Variants in KCNJ12 observed in about 807,000 individuals in gnomAD.
KCNJ12 encodes the protein ATP-sensitive inward rectifier potassium channel 12.
A neutral mutation model predicts 22.3 loss-of-function variants in KCNJ12; 2 were observed. That is an observed-to-expected ratio of 0.09 (90% CI 0.04 to 0.28). KCNJ12 has a LOEUF of 0.28. KCNJ12 is among the 10% of genes least tolerant of loss of function. KCNJ12 has a pLI of 1.00. For missense variants in KCNJ12, 155 were observed against 633.3 expected, an observed-to-expected ratio of 0.24 and a Z score of 8.11; for synonymous variants, 117 against 261.4, an observed-to-expected ratio of 0.45 and a Z score of 5.33.
At chr17:21,387,632 A>G (rs1567697556) in intron 1 of KCNJ12, among the ~76,000 whole-genome samples, 26 of 151,846 alleles carry the variant, frequency 1.7e-4, no homozygotes. Flanking sequence ...CCCCTGTCGG[A>G]GGGTGTGGGA....
At chr17:21,389,543 GACTT>G (rs1442161185) in intron 1 of KCNJ12, among the ~76,000 whole-genome samples, 1 of 152,178 alleles carries the variant, frequency 6.6e-6, no homozygotes, top group Middle Eastern at 3.2e-3. Flanking sequence ...GTAAGTCAAT[GACTT>G]ACTTACCCAC....
In KCNJ12 at chr17:21,416,692, C is replaced by T. The variant is rs781954971; in HGVS notation, c.*48C>T. The T allele has an allele frequency of 4.0e-6, 6 of 1,517,634 alleles. No individual in the cohort carries two copies. Among genetic ancestry groups the T allele is most frequent in the African/African-American group, 2.8e-5 (2 of 72,104 alleles). The allele number at this position is 1,517,634 out of a possible 1,614,324, so 94.0% of individuals were successfully genotyped here. ...CATCCACCCCCGGCTGGGGAGAGGC[C>T]CCGCGGTCGCTCAGGGGCCCCGGGT... On this transcript the variant is annotated 3_prime_UTR_variant, in exon 3 of 3. Transcript: ENST00000583088.
At chr17:21,383,206 G>T (rs568973212) in intron 1 of KCNJ12, among the ~76,000 whole-genome samples, 3 of 152,206 alleles carry the variant, frequency 2.0e-5, no homozygotes, top group Non-Finnish European at 4.4e-5. Flanking sequence ...TGCCCGCCCC[G>T]CTTGCTCCAG....
chr17:21,382,737 G>C, intron 1 of KCNJ12, among the ~76,000 whole-genome samples: 1 of 152,164 alleles, frequency 6.6e-6, no homozygotes, highest in East Asian at 1.9e-4. Flanking sequence ...CTGGGCCTCA[G>C]CCAGGTGTGC....
At chr17:21,379,822 GT>G (rs1320113011) in intron 1 of KCNJ12, among the ~76,000 whole-genome samples, 3 of 152,058 alleles carry the variant, frequency 2.0e-5, no homozygotes, top group African/African-American at 4.8e-5. Context: ...AGGCAGGTGG[GT>G]TTTCTGAGGT....
At chr17:21,383,431 G>A (rs576717719) in intron 1 of KCNJ12, among the ~76,000 whole-genome samples, 119 of 152,322 alleles carry the variant, frequency 7.8e-4, no homozygotes, top group Middle Eastern at 3.4e-3. Flanking sequence ...GGAGCTTGGC[G>A]TGGCCGGAGG....
intron 1 of KCNJ12, among the ~76,000 whole-genome samples, chr17:21,383,049 A>T (rs1904932789): frequency 6.6e-6 from 1 of 152,128 alleles, no homozygotes; most frequent in Non-Finnish European, 1.5e-5. Flanking sequence ...GCTTCCAGGC[A>T]GCTTTTGGGG....
At chr17:21,380,794 AGATGGCAGTGGGC>A (rs1904839043) in intron 1 of KCNJ12, among the ~76,000 whole-genome samples, 2 of 16,222 alleles carry the variant, frequency 1.2e-4, no homozygotes, top group Non-Finnish European at 2.2e-4. Flanking sequence ...AGTGGGCCCC[AGATGGCAGTGGGC>A]CCCAGATGGC....
At chr17:21,381,873 A>G (rs1212496409) in intron 1 of KCNJ12, among the ~76,000 whole-genome samples, 1 of 152,228 alleles carries the variant, frequency 6.6e-6, no homozygotes, top group Non-Finnish European at 1.5e-5. Context: ...AGGAGATGGC[A>G]GGCGCCCAGT....
chr17:21,407,341 C>G (rs1373960881), intron 1 of KCNJ12, among the ~76,000 whole-genome samples: 1 of 152,302 alleles, frequency 6.6e-6, no homozygotes, highest in Non-Finnish European at 1.5e-5. Context: ...TTCACTCCAC[C>G]CATCCATCAC....
intron 1 of KCNJ12, among the ~76,000 whole-genome samples, chr17:21,388,112 T>G (rs1905123244): frequency 6.6e-6 from 1 of 152,154 alleles, no homozygotes; most frequent in Non-Finnish European, 1.5e-5. Context: ...CTTGTTGTAG[T>G]TCCATTTCTG....
At position 21,389,675 on chromosome 17, in the gene KCNJ12, C is replaced by T. The variant is rs557114952; in HGVS notation, c.-179+12762C>T. On this transcript the variant is annotated intron_variant, in intron 1 of 2. Coordinates refer to ENST00000583088, the MANE Select transcript of KCNJ12 (RefSeq NM_021012.5). ...GGGTGGGGGTGTGGTGGGGCAGGGACGGTTTCCTGGGGAAGAGGCCCTGGA... is the reference window on the plus strand; with the variant it reads ...GGGTGGGGGTGTGGTGGGGCAGGGATGGTTTCCTGGGGAAGAGGCCCTGGA... 9.9e-4 allele frequency among the ~76,000 whole-genome samples: 150 copies of T among 151,956 alleles called. 1 individual carries two copies. Among genetic ancestry groups the T allele is most frequent in the Admixed American group, 6.3e-3 (97 of 15,292 alleles).
chr17:21,398,085 G>A (rs1905434528), intron 1 of KCNJ12, among the ~76,000 whole-genome samples: 2 of 142,806 alleles, frequency 1.4e-5, no homozygotes, highest in South Asian at 2.1e-4. Context: ...CCCTGGACGT[G>A]TGTGTATGTG....
At chr17:21,394,543 A>G (rs73310104) in intron 1 of KCNJ12, among the ~76,000 whole-genome samples, 2,612 of 152,346 alleles carry the variant, frequency 0.017, 28 homozygotes, top group Middle Eastern at 0.075. Flanking sequence ...TAAGTGCTCA[A>G]TAAACCTAAG....
chr17:21,380,080 G>T (rs1904814699), intron 1 of KCNJ12, among the ~76,000 whole-genome samples: 1 of 152,132 alleles, frequency 6.6e-6, no homozygotes, highest in African/African-American at 2.4e-5. Context: ...ACCCCTCAGG[G>T]GCATTTGACT....
rs1275692694 is a variant in KCNJ12 at position 21,416,909 on chromosome 17, G to A, written c.*265G>A. ...GGGGGGCCAGGCCACGAGGGCCAGG[G>A]CTTCTGCCTGAAGATGGAGCTGCAG... On this transcript the variant is annotated 3_prime_UTR_variant, in exon 3 of 3. Transcript: ENST00000583088. The A allele has an allele frequency of 7.4e-6, 4 of 542,308 alleles. No individual in the cohort carries two copies. The highest frequency in any genetic ancestry group is 3.0e-5 in the East Asian group (1 of 32,986). The allele number at this position is 542,308 out of a possible 1,614,324, so 33.6% of individuals were successfully genotyped here.
At chr17:21,377,384 C>T (rs1193130005) in intron 1 of KCNJ12, among the ~76,000 whole-genome samples, 1 of 152,200 alleles carries the variant, frequency 6.6e-6, no homozygotes, top group Non-Finnish European at 1.5e-5. Flanking sequence ...TGCCTCCCGT[C>T]AGAGACCTGC....
chr17:21,413,104 C>G (rs1906469114), intron 2 of KCNJ12, among the ~76,000 whole-genome samples: 1 of 135,832 alleles, frequency 7.4e-6, no homozygotes, highest in African/African-American at 2.5e-5. Context: ...GCGGCTCCAC[C>G]ATCACCTGTT....
chr17:21,387,520 G>A (rs1905108375), intron 1 of KCNJ12, among the ~76,000 whole-genome samples: 1 of 151,890 alleles, frequency 6.6e-6, no homozygotes, highest in African/African-American at 2.4e-5. Context: ...CTGGGGTGAG[G>A]TGTTTTGGCA....
Sources: gnomAD v4.1 joint callset for allele counts (sites outside exome capture counted in the v4.1 genomes callset) on GRCh38, gnomAD v4.1.1 for gene constraint, MANE v1.5 for transcripts, NCBI Gene and HGNC (gene_info 2026-07-23, HGNC 2026-07-21) for gene names.